The following KIAA1549L variants were observed in gnomAD, a reference collection of about 807,000 sequenced individuals.
KIAA1549L encodes KIAA1549 like.
A neutral mutation model predicts 160.7 loss-of-function variants in KIAA1549L; 88 were observed. The observed-to-expected ratio is 0.55, with a 90% CI of 0.46 to 0.65. KIAA1549L has a LOEUF of 0.65. Ranked by LOEUF, KIAA1549L falls within the 30% of genes least tolerant of loss-of-function variation. The pLI is 0.00. For synonymous variants in KIAA1549L, 950 were observed against 976.7 expected, an observed-to-expected ratio of 0.97 and a Z score of 0.51; for missense variants, 2,258 against 2,437.5, an observed-to-expected ratio of 0.93 and a Z score of 1.55.
At chr11:33,435,792 A>ATGTGTGTGTGTGTGTGTGTG (rs1433325636) in intron 1 of KIAA1549L, among the ~76,000 whole-genome samples, 2 of 13,060 alleles carry the variant, frequency 1.5e-4, no homozygotes, top group African/African-American at 8.5e-4. Flanking sequence ...ATATATATAT[A>ATGTGTGTGTGTGTGTGTGTG]TATATATATA....
chr11:33,533,741 T>G (rs1853829759), intron 1 of KIAA1549L, among the ~76,000 whole-genome samples: 1 of 152,244 alleles, frequency 6.6e-6, no homozygotes, highest in Admixed American at 6.5e-5. Flanking sequence ...CTACCCATTC[T>G]TGTCTCCTTG....
chr11:33,504,683 G>T (rs771752333), intron 1 of KIAA1549L, among the ~76,000 whole-genome samples: 4 of 152,010 alleles, frequency 2.6e-5, no homozygotes, highest in Non-Finnish European at 5.9e-5. Context: ...GGCCAGGCTG[G>T]TCTCAAACTC....
rs1852521959 is a variant in KIAA1549L at position 33,667,773 on chromosome 11, T to C, written c.6160-100T>C. 6 of 988,098 alleles carry C rather than the reference T, an allele frequency of 6.1e-6. No individual in the cohort carries two copies. The African/African-American group carries it at 6.6e-5, about 11-fold the overall frequency. 61.2% of individuals were successfully genotyped at this position (988,098 alleles called of 1,614,324 possible). A position where few individuals can be genotyped will look rare whatever the true frequency, so the allele number is the denominator to read the frequency against. On this transcript the variant is annotated intron_variant, in intron 20 of 20. Transcript: ENST00000658780. ...CCATTTTCTTCTAAGTTCTCTTCCA[T>C]GTCCTCAGCCCCCTCCTGCTTCCAG...
intron 11 of KIAA1549L, 73 bp from the exon 12 acceptor site, chr11:33,591,164 G>C: frequency 8.9e-7 from 1 of 1,118,982 alleles, no homozygotes; most frequent in Non-Finnish European, 1.3e-6. Flanking sequence ...TTTGCTGCCT[G>C]TCATCTCTTA....
intron 5 of KIAA1549L, 106 bp downstream of exon 5, chr11:33,551,365 T>C: frequency 2.1e-6 from 2 of 959,292 alleles, no homozygotes; most frequent in Non-Finnish European, 3.2e-6. Context: ...TGTCATTTTT[T>C]AGTCCCTGTG....
At position 33,542,175 on chromosome 11, in the gene KIAA1549L, G is replaced by A. The variant is rs748335905; in HGVS notation, c.612G>A (p.Ser204=). 4.3e-5 allele frequency: 27 copies of A among 621,614 alleles called. No individual in the cohort carries two copies. Among genetic ancestry groups the A allele is most frequent in the Middle Eastern group, 2.5e-4 (1 of 3,968 alleles). The allele number at this position is 621,614 out of a possible 1,614,324, so 38.5% of individuals were successfully genotyped here. ...SGLPLTSMLP[S]LSTVPSGTSF... ...TGCCTCTCACCAGCATGCTCCCCTC[G>A]TTGTCCACAGTCCCATCAGGGACAT... Residue 204 remains serine (S), a synonymous_variant, in exon 2 of 21, where the codon TCG becomes TCA. Coordinates refer to ENST00000658780, the MANE Select transcript of KIAA1549L (RefSeq NM_012194.3).
At position 33,380,879 on chromosome 11, in the gene KIAA1549L, T is replaced by G. The variant is rs928456117; in HGVS notation, c.238+3990T>G. On this transcript the variant is annotated intron_variant, in intron 1 of 20. Transcript: ENST00000658780. ...AAACTCTTTGTACACATCATCAACT[T>G]GCAGTCGAGTCTAGAACAGGTTCAA... is the stretch of plus-strand genomic sequence containing the variant. Among the ~76,000 whole-genome samples the G allele has an allele frequency of 6.6e-5, 10 of 152,116 alleles. 1 individual carries two copies. Among genetic ancestry groups the G allele is most frequent in the African/African-American group, 2.2e-4 (9 of 41,428 alleles).
chr11:33,397,857 T>C (rs1181671748), intron 1 of KIAA1549L, among the ~76,000 whole-genome samples: 1 of 120,466 alleles, frequency 8.3e-6, no homozygotes, highest in Non-Finnish European at 2.0e-5. Context: ...TAGTTTTTTT[T>C]GTTTATTTGT....
At chr11:33,515,276 C>T (rs1293876736) in intron 1 of KIAA1549L, among the ~76,000 whole-genome samples, 1 of 152,208 alleles carries the variant, frequency 6.6e-6, no homozygotes, top group Non-Finnish European at 1.5e-5. Context: ...TGGACCTGTT[C>T]TGTTCTCTCT....
intron 13 of KIAA1549L, among the ~76,000 whole-genome samples, chr11:33,601,610 T>C (rs1020052909): frequency 2.4e-4 from 36 of 152,240 alleles, no homozygotes; most frequent in Admixed American, 1.2e-3. Context: ...TCTGTTGATA[T>C]GGAATATTCA....
intron 1 of KIAA1549L, among the ~76,000 whole-genome samples, chr11:33,508,699 A>G (rs1057209044): frequency 6.6e-6 from 1 of 152,156 alleles, no homozygotes; most frequent in Admixed American, 6.5e-5. Flanking sequence ...CACATCACAC[A>G]GTTGCATGAG....
chr11:33,640,863 A>G (rs1032539424), intron 16 of KIAA1549L, among the ~76,000 whole-genome samples: 1 of 152,376 alleles, frequency 6.6e-6, no homozygotes, highest in South Asian at 2.1e-4. Context: ...GAGCTTTTCA[A>G]GAATAGGAAG....
chr11:33,431,366 G>T (rs952481373), intron 1 of KIAA1549L, among the ~76,000 whole-genome samples: 5 of 152,148 alleles, frequency 3.3e-5, no homozygotes, highest in African/African-American at 1.2e-4. Flanking sequence ...TGGTAGAGCC[G>T]AGTGGTCTGT....
chr11:33,468,243 GGGTATACATTTT>G lies in KIAA1549L; in HGVS notation c.239-73558_239-73547del, dbSNP rs1281850900. On this transcript the variant is annotated intron_variant, in intron 1 of 20. Coordinates refer to ENST00000658780, the MANE Select transcript of KIAA1549L (RefSeq NM_012194.3). ...TTTAGCATGTTGGGAAGTTTCACAA[GGGTATACATTTT>G]CATATTTTTCTCCTGTCAGTAGTTT... Among the ~76,000 whole-genome samples, 5 of 152,300 alleles carry G rather than the reference GGGTATACATTTT, an allele frequency of 3.3e-5. No homozygotes were observed. In the East Asian group the frequency reaches 9.6e-4, roughly 29 times the overall value.
chr11:33,623,348 C>A (rs1199645799), intron 16 of KIAA1549L, among the ~76,000 whole-genome samples: 3 of 152,110 alleles, frequency 2.0e-5, no homozygotes, highest in African/African-American at 7.2e-5. Flanking sequence ...TTGTGTTGAC[C>A]CCACTACCAT....
chr11:33,591,658 A>G (rs1850058402), intron 12 of KIAA1549L, among the ~76,000 whole-genome samples: 2 of 152,284 alleles, frequency 1.3e-5, no homozygotes, highest in South Asian at 4.1e-4. Context: ...GATTTAGTTC[A>G]TATATTTACT....
chr11:33,476,944 C>G (rs1242427930), intron 1 of KIAA1549L, among the ~76,000 whole-genome samples: 1 of 152,132 alleles, frequency 6.6e-6, no homozygotes, highest in Non-Finnish European at 1.5e-5. Flanking sequence ...TTCTGTATCT[C>G]TGGCACCTGT....
intron 1 of KIAA1549L, among the ~76,000 whole-genome samples, chr11:33,480,382 T>C (rs1852384688): frequency 6.6e-6 from 1 of 152,218 alleles, no homozygotes; most frequent in South Asian, 2.1e-4. Context: ...TTTTTATGGC[T>C]GGATAATACT....
rs1855120291 is a variant in KIAA1549L at position 33,568,244 on chromosome 11, C to A, written c.4230+17C>A. The stretch of plus-strand genomic sequence containing the variant: ...ACTGTGCAGGTAGGTGTATACAGAG[C>A]CACTGGGGTTTTCTAATAACTGGGG... On this transcript the variant is annotated intron_variant, in intron 9 of 20. Transcript: ENST00000658780. 1 of 1,591,792 alleles carries A rather than the reference C, an allele frequency of 6.3e-7. No homozygotes were observed. Among genetic ancestry groups the A allele is most frequent in the Non-Finnish European group, 8.6e-7 (1 of 1,167,280 alleles).
Sources: allele counts gnomAD v4.1 joint callset (sites outside exome capture counted in the v4.1 genomes callset), GRCh38; gene constraint gnomAD v4.1.1; transcripts MANE v1.5; gene names NCBI Gene and HGNC (gene_info 2026-07-23, HGNC 2026-07-21).